KIAA1328: variants seen among roughly 807,000 people sequenced by gnomAD.
KIAA1328 encodes the protein protein hinderin.
Under a neutral mutation model 68.1 loss-of-function variants are expected in KIAA1328, and 52 were observed. The ratio of observed to expected loss-of-function variants is 0.76; its 90% CI spans 0.61 to 0.96. The LOEUF is 0.96. Among genes scored for constraint, KIAA1328 ranks in the 40% least tolerant of loss-of-function variants. The pLI, the probability that KIAA1328 is intolerant of heterozygous loss-of-function variation, is 0.00. For missense variants in KIAA1328, 641 were observed against 677.6 expected (o/e 0.95, Z 0.60); for synonymous variants, 232 against 239.4 (o/e 0.97, Z 0.28).
intron 5 of KIAA1328, among the ~76,000 whole-genome samples, chr18:36,947,725 A>G (rs1437062314): frequency 6.6e-6 from 1 of 152,228 alleles, no homozygotes; most frequent in Non-Finnish European, 1.5e-5. Flanking sequence ...AGAACTGGAA[A>G]GGGAGGAGGA....
chr18:36,911,985 A>T (rs1464715417), intron 5 of KIAA1328, among the ~76,000 whole-genome samples: 1 of 147,922 alleles, frequency 6.8e-6, no homozygotes, highest in Non-Finnish European at 1.5e-5. Flanking sequence ...AGTGAGAAAA[A>T]AATACTTATT....
rs944038268 is a variant in KIAA1328 at position 37,222,181 on chromosome 18, A to G, written c.1688A>G (p.Glu563Gly). 6.3e-7 allele frequency: 1 copy of G among 1,599,168 alleles called. No individual in the cohort carries two copies. The highest frequency in any genetic ancestry group is 1.3e-5 in the African/African-American group (1 of 74,670). Residue 563 changes from glutamate (E) to glycine (G), a missense_variant, in exon 10 of 10, where the codon GAA becomes GGA. Transcript: ENST00000280020. ...RKKMGMHRTP[E>G]ELEENQILED... Reference sequence around the variant, plus strand: ...AAGATGGGGATGCACAGAACCCCTGAAGAGTTGGAGGAGAATCAGATTCTG... The same window carrying G: ...AAGATGGGGATGCACAGAACCCCTGGAGAGTTGGAGGAGAATCAGATTCTG...
At chr18:36,868,937 TA>T (rs1406437341) in intron 4 of KIAA1328, among the ~76,000 whole-genome samples, 2 of 152,110 alleles carry the variant, frequency 1.3e-5, no homozygotes, top group Non-Finnish European at 2.9e-5. Flanking sequence ...TTCTGGTCTT[TA>T]TTTTTTTAAA....
At chr18:37,087,110 A>G (rs1482856828) in intron 7 of KIAA1328, among the ~76,000 whole-genome samples, 2 of 152,130 alleles carry the variant, frequency 1.3e-5, no homozygotes, top group South Asian at 2.1e-4. Context: ...CCCAGGCTCA[A>G]GTTCAGCGGC....
chr18:37,131,935 T>C (rs1317126122), intron 7 of KIAA1328, among the ~76,000 whole-genome samples: 1 of 152,174 alleles, frequency 6.6e-6, no homozygotes, highest in Non-Finnish European at 1.5e-5. Context: ...AAATCCAGGA[T>C]TTTACAGCTC....
chr18:36,965,475 C>A (rs1323962367), intron 6 of KIAA1328, among the ~76,000 whole-genome samples: 1 of 142,854 alleles, frequency 7.0e-6, no homozygotes, highest in East Asian at 2.3e-4. Context: ...GAAACCCTGT[C>A]TCTACTAAAA....
At chr18:37,007,354 AT>A (rs1228894738) in intron 6 of KIAA1328, among the ~76,000 whole-genome samples, 1 of 152,142 alleles carries the variant, frequency 6.6e-6, no homozygotes, top group Non-Finnish European at 1.5e-5. Context: ...TATATACATG[AT>A]TGTGTATTGA....
At position 37,192,478 on chromosome 18, in the gene KIAA1328, A is replaced by T. The variant is rs76531249; in HGVS notation, c.1523+19397A>T. ...CTCTAAAGTGCACACTGATGAACAG[A>T]GTAACTAGCATCATTTTGACCTCAT... On this transcript the variant is annotated intron_variant, in intron 9 of 9. Coordinates refer to ENST00000280020, the MANE Select transcript of KIAA1328 (RefSeq NM_020776.3). Among the ~76,000 whole-genome samples the T allele has an allele frequency of 9.3e-3, 1,419 of 152,294 alleles. 25 individuals are homozygous for T. The highest frequency in any genetic ancestry group is 0.033 in the African/African-American group (1,371 of 41,556).
intron 6 of KIAA1328, among the ~76,000 whole-genome samples, chr18:37,041,117 T>C (rs7245375): frequency 0.9 from 136,054 of 151,940 alleles, 62,886 homozygotes; most frequent in East Asian, 1. Flanking sequence ...ATTTTTTGTT[T>C]AGTTGTTCCA....
At chr18:36,994,346 G>A (rs1421232481) in intron 6 of KIAA1328, among the ~76,000 whole-genome samples, 2 of 152,162 alleles carry the variant, frequency 1.3e-5, no homozygotes, top group Non-Finnish European at 2.9e-5. Context: ...ATAAAGTATT[G>A]AAATTTGAAA....
At chr18:37,106,834 A>T (rs1376629352) in intron 7 of KIAA1328, among the ~76,000 whole-genome samples, 2 of 152,226 alleles carry the variant, frequency 1.3e-5, no homozygotes, top group East Asian at 3.8e-4. Context: ...TGTCACTAAG[A>T]ACAAAATAAT....
intron 7 of KIAA1328, among the ~76,000 whole-genome samples, chr18:37,083,901 C>G (rs978728289): frequency 2.0e-5 from 3 of 152,126 alleles, no homozygotes; most frequent in African/African-American, 7.2e-5. Context: ...GATATTCTAA[C>G]CAACTTAATC....
chr18:37,006,527 CTTTT>C (rs887697079), intron 6 of KIAA1328, among the ~76,000 whole-genome samples: 3 of 151,672 alleles, frequency 2.0e-5, no homozygotes, highest in Non-Finnish European at 4.4e-5. Context: ...TCTTCTGTGA[CTTTT>C]TTTTATTATT....
chr18:36,988,073 ATATGT>A (rs952558583), intron 6 of KIAA1328, among the ~76,000 whole-genome samples: 61 of 152,298 alleles, frequency 4.0e-4, no homozygotes, highest in African/African-American at 1.4e-3. Flanking sequence ...CCATTTTAAT[ATATGT>A]TTAATGACAC....
At chr18:36,940,674 CTT>C (rs1272164052) in intron 5 of KIAA1328, among the ~76,000 whole-genome samples, 23 of 127,678 alleles carry the variant, frequency 1.8e-4, no homozygotes, top group Admixed American at 3.2e-4. Flanking sequence ...GCTCATTTTA[CTT>C]TTTTTTTTTT....
At chr18:37,026,598 T>C (rs1193920523) in intron 6 of KIAA1328, among the ~76,000 whole-genome samples, 2 of 152,160 alleles carry the variant, frequency 1.3e-5, no homozygotes, top group Non-Finnish European at 2.9e-5. Context: ...TAATCCATTG[T>C]ATAAATAGAA....
rs550949458 is a variant in KIAA1328 at position 37,140,178 on chromosome 18, AT to A, written c.1233-20012del. Among the ~76,000 whole-genome samples, 155 of 150,104 alleles carry A rather than the reference AT, an allele frequency of 1.0e-3. No individual in the cohort carries two copies. In the South Asian group the frequency reaches 0.017, roughly 16 times the overall value. Reference sequence around the variant, plus strand: ...TTCAAGTCTCAGAGGTCTAGGCTAGATTTTTTTTTTATAATGCCTTTTCTAT... The same window carrying A: ...TTCAAGTCTCAGAGGTCTAGGCTAGATTTTTTTTTATAATGCCTTTTCTAT... On this transcript the variant is annotated intron_variant, in intron 7 of 9. Transcript: ENST00000280020.
intron 6 of KIAA1328, among the ~76,000 whole-genome samples, chr18:36,984,772 G>C (rs552884600): frequency 6.6e-6 from 1 of 151,974 alleles, no homozygotes; most frequent in Non-Finnish European, 1.5e-5. Context: ...TGGGTGTGAT[G>C]GTGCATGCCC....
At chr18:37,010,595 G>GA (rs772727958) in intron 6 of KIAA1328, among the ~76,000 whole-genome samples, 5 of 152,018 alleles carry the variant, frequency 3.3e-5, no homozygotes, top group Non-Finnish European at 5.9e-5. Flanking sequence ...ATCACATAAG[G>GA]ACTTAACAAA....
Sources: gnomAD v4.1 joint callset for allele counts (sites outside exome capture counted in the v4.1 genomes callset) on GRCh38, gnomAD v4.1.1 for gene constraint, MANE v1.5 for transcripts, NCBI Gene and HGNC (gene_info 2026-07-23, HGNC 2026-07-21) for gene names.